The following LHFPL3 variants were observed in gnomAD, a reference collection of about 807,000 sequenced individuals.
LHFPL3 encodes LHFPL tetraspan subfamily member 3 protein.
Under a neutral mutation model 19.3 loss-of-function variants are expected in LHFPL3, and 5 were observed. That is an observed-to-expected ratio of 0.26 (90% confidence interval 0.14 to 0.54). The LOEUF (loss-of-function observed/expected upper bound fraction) is 0.54, where lower values mean the gene tolerates loss of function less well. Ranked by LOEUF, LHFPL3 falls within the 20% of genes least tolerant of loss-of-function variation. The pLI, the probability that LHFPL3 is intolerant of heterozygous loss-of-function variation, is 0.94. For synonymous variants in LHFPL3, 133 were observed against 126.2 expected (o/e 1.05, Z -0.36); for missense variants, 249 against 307.4 (o/e 0.81, Z 1.42).
At chr7:104,882,674 T>C (rs1213125542) in intron 2 of LHFPL3, among the ~76,000 whole-genome samples, 5 of 152,058 alleles carry the variant, frequency 3.3e-5, no homozygotes, top group African/African-American at 1.2e-4. Flanking sequence ...GGTATGGGGT[T>C]TTCATGGTGA....
chr7:104,594,708 C>G (rs555914157), intron 1 of LHFPL3, among the ~76,000 whole-genome samples: 1 of 152,146 alleles, frequency 6.6e-6, no homozygotes, highest in Non-Finnish European at 1.5e-5. Context: ...TCACATAGTC[C>G]AATATTCCTT....
chr7:104,501,288 T>G (rs1205755984), intron 1 of LHFPL3, among the ~76,000 whole-genome samples: 1 of 152,220 alleles, frequency 6.6e-6, no homozygotes, highest in Non-Finnish European at 1.5e-5. Flanking sequence ...CTGCTTTCCT[T>G]TCAACAGCAT....
Position 104,788,927 on chromosome 7 carries a change from C to G in LHFPL3, c.682+52016C>G, listed in dbSNP as rs188292849. On this transcript the variant is annotated intron_variant, in intron 2 of 2. Coordinates refer to ENST00000424859, the MANE Select transcript of LHFPL3 (RefSeq NM_199000.3). ...TAGCAGAAGTTACCCTTGAAAATCT[C>G]TTTAAGAAGGCACCACCATTTCCCT... 3.3e-5 allele frequency among the ~76,000 whole-genome samples: 5 copies of G among 152,286 alleles called. 1 individual carries two copies. Among genetic ancestry groups the G allele is most frequent in the Admixed American group, 2.6e-4 (4 of 15,290 alleles).
intron 2 of LHFPL3, among the ~76,000 whole-genome samples, chr7:104,876,211 C>T (rs969740011): frequency 4.1e-4 from 62 of 152,228 alleles, no homozygotes; most frequent in East Asian, 2.1e-3. Flanking sequence ...ATTCAGGACA[C>T]AGGCATGGGC....
At chr7:104,522,204 G>A (rs1794080255) in intron 1 of LHFPL3, among the ~76,000 whole-genome samples, 1 of 152,104 alleles carries the variant, frequency 6.6e-6, no homozygotes, top group Non-Finnish European at 1.5e-5. Flanking sequence ...ATACTATGCA[G>A]CCATAAAAAT....
At chr7:104,468,279 G>A (rs578237150) in intron 1 of LHFPL3, among the ~76,000 whole-genome samples, 2 of 152,152 alleles carry the variant, frequency 1.3e-5, no homozygotes, top group African/African-American at 2.4e-5. Flanking sequence ...ACCAAAACTC[G>A]TATGAGGGTG....
At chr7:104,658,591 A>G (rs1792161836) in intron 1 of LHFPL3, among the ~76,000 whole-genome samples, 1 of 152,192 alleles carries the variant, frequency 6.6e-6, no homozygotes, top group Admixed American at 6.5e-5. Flanking sequence ...ACTTGAGGGC[A>G]GAAGTTTGAG....
chr7:104,355,489 A>G (rs1790255634), intron 1 of LHFPL3, among the ~76,000 whole-genome samples: 1 of 152,240 alleles, frequency 6.6e-6, no homozygotes, highest in Non-Finnish European at 1.5e-5. Flanking sequence ...CTAAATTTTC[A>G]TTTAGCAATC....
intron 2 of LHFPL3, among the ~76,000 whole-genome samples, chr7:104,842,470 A>G (rs1791233455): frequency 1.3e-5 from 2 of 152,190 alleles, no homozygotes; most frequent in Non-Finnish European, 2.9e-5. Flanking sequence ...AGTATATGGG[A>G]TGATAATGTC....
chr7:104,825,848 T>C (rs1485434282), intron 2 of LHFPL3, among the ~76,000 whole-genome samples: 1 of 151,872 alleles, frequency 6.6e-6, no homozygotes, highest in Non-Finnish European at 1.5e-5. Flanking sequence ...TGCCCCCTCA[T>C]CCCGAGTTGA....
At chr7:104,555,367 A>G (rs944477787) in intron 1 of LHFPL3, among the ~76,000 whole-genome samples, 4 of 152,196 alleles carry the variant, frequency 2.6e-5, no homozygotes, top group Admixed American at 2.6e-4. Flanking sequence ...AAAGAGTTTT[A>G]ATAGACTTAT....
At chr7:104,436,483 C>T (rs1250706118) in intron 1 of LHFPL3, among the ~76,000 whole-genome samples, 1 of 152,164 alleles carries the variant, frequency 6.6e-6, no homozygotes, top group Non-Finnish European at 1.5e-5. Flanking sequence ...TTTTTGATAG[C>T]ATATCCCATC....
At chr7:104,740,237 A>C (rs997462490) in intron 2 of LHFPL3, among the ~76,000 whole-genome samples, 1 of 152,164 alleles carries the variant, frequency 6.6e-6, no homozygotes, top group Non-Finnish European at 1.5e-5. Context: ...TATAAATTAC[A>C]CAGTCTCAAG....
chr7:104,591,043 C>CT (rs1790709370), intron 1 of LHFPL3, among the ~76,000 whole-genome samples: 1 of 152,160 alleles, frequency 6.6e-6, no homozygotes, highest in Non-Finnish European at 1.5e-5. Flanking sequence ...ATAGAGCACA[C>CT]TGATGGGTCC....
chr7:104,821,491 C>G (rs1431303327), intron 2 of LHFPL3, among the ~76,000 whole-genome samples: 1 of 152,336 alleles, frequency 6.6e-6, no homozygotes. Flanking sequence ...CCTGCATTAT[C>G]CCTCAAGTAC....
In LHFPL3 at chr7:104,333,862, G is replaced by C. The variant is rs371682886; in HGVS notation, c.445+4638G>C. On this transcript the variant is annotated intron_variant, in intron 1 of 2. Transcript: ENST00000424859. ...GGCCTTGACTGTTTTTCTTTGTACA[G>C]CATAGAGGTCAAAAGCATGGAAACT... is the stretch of plus-strand genomic sequence containing the variant. Among the ~76,000 whole-genome samples the C allele has an allele frequency of 3.3e-5, 5 of 152,202 alleles. 1 individual carries two copies. The East Asian group carries it at 5.8e-4, about 18-fold the overall frequency.
At chr7:104,797,854 T>G (rs1790162553) in intron 2 of LHFPL3, among the ~76,000 whole-genome samples, 1 of 152,108 alleles carries the variant, frequency 6.6e-6, no homozygotes, top group South Asian at 2.1e-4. Context: ...AGGTAGAGGT[T>G]GCAGTAGGCT....
chr7:104,556,297 C>G (rs1261603153), intron 1 of LHFPL3, among the ~76,000 whole-genome samples: 2 of 151,902 alleles, frequency 1.3e-5, no homozygotes, highest in African/African-American at 4.8e-5. Flanking sequence ...CCATGAGGGT[C>G]CCCCCCCTGC....
At chr7:104,398,130 G>A (rs547155917) in intron 1 of LHFPL3, among the ~76,000 whole-genome samples, 9 of 150,050 alleles carry the variant, frequency 6.0e-5, no homozygotes, top group Admixed American at 5.3e-4. Flanking sequence ...TCACACCTAC[G>A]TAAAATCTTC....
Sources: gnomAD v4.1 joint callset for allele counts (sites outside exome capture counted in the v4.1 genomes callset) on GRCh38, gnomAD v4.1.1 for gene constraint, MANE v1.5 for transcripts, NCBI Gene and HGNC (gene_info 2026-07-23, HGNC 2026-07-21) for gene names.